Variants in TLCD4 observed in about 807,000 individuals in gnomAD.
The protein encoded by TLCD4 is TLC domain containing 4, also known as TLC domain-containing protein 4.
A neutral mutation model predicts 24.2 loss-of-function variants in TLCD4; 7 were observed. The observed-to-expected ratio is 0.29, with a 90% CI of 0.16 to 0.54. TLCD4 has a LOEUF of 0.54. Among genes scored for constraint, TLCD4 ranks in the 20% least tolerant of loss-of-function variants. The pLI, the probability that TLCD4 is intolerant of heterozygous loss-of-function variation, is 0.95. For synonymous variants in TLCD4, 103 were observed against 106.4 expected (o/e 0.97, Z 0.20); for missense variants, 259 against 313.9 (o/e 0.82, Z 1.32).
chr1:95,119,752 A>G (rs186582641), intron 1 of TLCD4, among the ~76,000 whole-genome samples: 2 of 150,846 alleles, frequency 1.3e-5, no homozygotes, highest in Admixed American at 1.3e-4. Flanking sequence ...TCTTGCATGT[A>G]TTAGAGGAAA....
chr1:95,135,943 A>G (rs968041897), intron 1 of TLCD4, among the ~76,000 whole-genome samples: 1 of 151,858 alleles, frequency 6.6e-6, no homozygotes, highest in Admixed American at 6.6e-5. Context: ...GCTGGTCTTG[A>G]ACTCTTGGGC....
At chr1:95,113,753 A>G (rs369097396), upstream of TLCD4, among the ~76,000 whole-genome samples, 1 of 152,232 alleles carries the variant, frequency 6.6e-6, no homozygotes, top group African/African-American at 2.4e-5. Context: ...ACATAAAAAG[A>G]TGGCCAGAAT....
intron 1 of TLCD4, among the ~76,000 whole-genome samples, chr1:95,127,560 A>T (rs542892410): frequency 6.6e-6 from 1 of 152,360 alleles, no homozygotes; most frequent in South Asian, 2.1e-4. Context: ...CCAAGCCAAG[A>T]GCTCCTTTTG....
intron 5 of TLCD4, among the ~76,000 whole-genome samples, chr1:95,156,184 T>C (rs1571750552): frequency 7.8e-6 from 1 of 128,186 alleles, no homozygotes; most frequent in Admixed American, 8.0e-5. Flanking sequence ...TTTATGCCTT[T>C]TTGAATTTTC....
intron 6 of TLCD4, among the ~76,000 whole-genome samples, chr1:95,188,214 C>T (rs147925550): frequency 0.024 from 3,617 of 151,894 alleles, 159 homozygotes; most frequent in African/African-American, 0.083. Context: ...GGTGAAACCC[C>T]GTCTCTACTA....
At chr1:95,147,490 A>T (rs1677384874) in intron 2 of TLCD4, among the ~76,000 whole-genome samples, 1 of 152,242 alleles carries the variant, frequency 6.6e-6, no homozygotes, top group Non-Finnish European at 1.5e-5. Context: ...TAGGTATTAT[A>T]AATGATACTT....
chr1:95,164,574 C>CTTCT (rs1677948729), intron 5 of TLCD4: 1 of 152,258 alleles, frequency 6.6e-6, no homozygotes, highest in African/African-American at 2.4e-5. Flanking sequence ...TCTTCTGTGT[C>CTTCT]GCTCATACTG....
At chr1:95,144,789 C>T (rs1427033599) in intron 2 of TLCD4, among the ~76,000 whole-genome samples, 1 of 152,060 alleles carries the variant, frequency 6.6e-6, no homozygotes, top group African/African-American at 2.4e-5. Flanking sequence ...CTCCCAGGTT[C>T]CAGTGATTCT....
At chr1:95,128,587 G>T (rs1676805224) in intron 1 of TLCD4, among the ~76,000 whole-genome samples, 1 of 152,174 alleles carries the variant, frequency 6.6e-6, no homozygotes, top group African/African-American at 2.4e-5. Flanking sequence ...TCAGGGAGGG[G>T]TTAAAGAGGT....
chr1:95,163,765 C>T (rs982754533), intron 5 of TLCD4: 4 of 152,678 alleles, frequency 2.6e-5, no homozygotes, highest in African/African-American at 9.7e-5. Context: ...TGCTGTAGGT[C>T]CACTCCAGAC....
chr1:95,136,554 G>T (rs1677047524), intron 1 of TLCD4, among the ~76,000 whole-genome samples: 1 of 152,122 alleles, frequency 6.6e-6, no homozygotes, highest in Non-Finnish European at 1.5e-5. Context: ...CCAAAAAAGA[G>T]AAAATTGTAT....
chr1:95,110,306 T>A, the TLCD4 span, among the ~76,000 whole-genome samples: 1 of 151,962 alleles, frequency 6.6e-6, no homozygotes, highest in Non-Finnish European at 1.5e-5. Flanking sequence ...TTTTGTCCTG[T>A]TGACCTGAGC....
intron 6 of TLCD4, 135 bp from the exon 7 acceptor site, chr1:95,191,415 T>G: frequency 8.8e-7 from 1 of 1,141,034 alleles, no homozygotes; most frequent in Middle Eastern, 3.0e-4. Context: ...ACTTTGTTCT[T>G]TTTCAGCATT....
intron 5 of TLCD4, among the ~76,000 whole-genome samples, chr1:95,165,463 GT>G (rs1243273311): frequency 8.0e-6 from 1 of 124,250 alleles, no homozygotes; most frequent in Non-Finnish European, 1.6e-5. Context: ...GTGTGTGTGT[GT>G]GTGTTTTTTT....
upstream of TLCD4, among the ~76,000 whole-genome samples, chr1:95,115,127 G>A (rs917066905): frequency 2.8e-5 from 4 of 141,998 alleles, no homozygotes; most frequent in Non-Finnish European, 4.6e-5. Context: ...TTGTTTTTGA[G>A]ACAGAGTTTC....
chr1:95,093,957 T>C, the TLCD4 span, among the ~76,000 whole-genome samples: 2 of 152,182 alleles, frequency 1.3e-5, no homozygotes, highest in East Asian at 3.8e-4. Flanking sequence ...GTTTTTCTCA[T>C]TAAGAGATGG....
At chr1:95,104,099 A>C in the TLCD4 span, among the ~76,000 whole-genome samples, 1 of 152,292 alleles carries the variant, frequency 6.6e-6, no homozygotes, top group South Asian at 2.1e-4. Context: ...GCTGTATTTT[A>C]TTAACTTTAG....
At chr1:95,119,302 T>A (rs1042177772) in intron 1 of TLCD4, among the ~76,000 whole-genome samples, 2 of 152,180 alleles carry the variant, frequency 1.3e-5, no homozygotes, top group African/African-American at 4.8e-5. Context: ...GCCTGTCTTT[T>A]CCTTGATTTT....
At chr1:95,160,908 A>G (rs1677775126) in intron 5 of TLCD4, among the ~76,000 whole-genome samples, 1 of 152,196 alleles carries the variant, frequency 6.6e-6, no homozygotes, top group South Asian at 2.1e-4. Flanking sequence ...GTTTGCCAGT[A>G]TTTTATTGAG....
Sources: allele counts gnomAD v4.1 joint callset (sites outside exome capture counted in the v4.1 genomes callset), GRCh38; gene constraint gnomAD v4.1.1; transcripts MANE v1.5; gene names NCBI Gene and HGNC (gene_info 2026-07-23, HGNC 2026-07-21).